Variants in CRIP2 observed in about 807,000 individuals in gnomAD.
CRIP2 encodes the protein cysteine-rich protein 2.
CRIP2 carries 31 observed loss-of-function variants against 31.3 expected under a neutral mutation model. The observed-to-expected ratio is 0.99, with a 90% confidence interval of 0.74 to 1.34. CRIP2 has a LOEUF of 1.34. Among genes scored for constraint, CRIP2 ranks in the 40% most tolerant of loss-of-function variants. The pLI is 0.00. For missense variants in CRIP2, 389 were observed against 301.6 expected (o/e 1.29, Z -2.15); for synonymous variants, 177 against 127.2 (o/e 1.39, Z -2.63).
In CRIP2 at chr14:105,478,639, GC is replaced by G; in HGVS notation, c.197-86del. ...TCCCTGCCACCCTGGAAAGCCTAGT[GC>G]CCCCCAGTCCCCAGCGGGCCGTTTT... is the stretch of plus-strand genomic sequence containing the variant. On this transcript the variant is annotated intron_variant, in intron 3 of 7. Transcript: ENST00000329146. This position sits in a 1 kb window ranked among gnomAD's most constrained non-coding sequence, Gnocchi z 4.9. 6.7e-7 allele frequency: 1 copy of G among 1,492,148 alleles called. No homozygotes were observed. The highest frequency in any genetic ancestry group is 8.9e-7 in the Non-Finnish European group (1 of 1,118,478). The allele number at this position is 1,492,148 out of a possible 1,614,324, so 92.4% of individuals were successfully genotyped here.
Position 105,479,343 on chromosome 14 carries a change from C to T in CRIP2, c.502-93C>T. ...CTGGGAGCTGCGCTGCCCTCTCCCC[C>T]ACGGCGAGCCGGCCTGCACGTTCTG... On this transcript the variant is annotated intron_variant, in intron 6 of 7. Coordinates refer to ENST00000329146, the MANE Select transcript of CRIP2 (RefSeq NM_001312.4). The T allele has an allele frequency of 1.0e-5, 16 of 1,570,800 alleles. No individual in the cohort carries two copies. The East Asian group carries it at 1.8e-4, about 18-fold the overall frequency.
intron 1 of CRIP2, chr14:105,476,690 T>G: frequency 1.0e-6 from 1 of 985,272 alleles, no homozygotes; most frequent in Non-Finnish European, 1.2e-6. Flanking sequence ...GAGACTTCCT[T>G]GCTGCTGCTG....
intron 1 of CRIP2, 115 bp downstream of exon 1, chr14:105,475,020 G>A: frequency 3.4e-6 from 4 of 1,177,302 alleles, no homozygotes; most frequent in Non-Finnish European, 4.3e-6. Context: ...GCCCCGGACC[G>A]AGGATGCGCG....
At position 105,477,535 on chromosome 14, in the gene CRIP2, G is replaced by A. The variant is rs1007689592; in HGVS notation, c.44-731G>A. 5 of 984,510 alleles carry A rather than the reference G, an allele frequency of 5.1e-6. No individual in the cohort carries two copies. In the African/African-American group the frequency reaches 7.1e-5, roughly 14 times the overall value. The allele number at this position is 984,510 out of a possible 1,614,324, so 61.0% of individuals were successfully genotyped here. A position where few individuals can be genotyped will look rare whatever the true frequency, so the allele number is the denominator to read the frequency against. The stretch of plus-strand genomic sequence containing the variant: ...GGCCCAGTTGGTGGGGATCAGGGGC[G>A]TGTCAGTGCGAGGCAGGTGTGAGAG... On this transcript the variant is annotated intron_variant, in intron 1 of 7. Transcript: ENST00000329146.
chr14:105,474,634 G>A, upstream of CRIP2: 1 of 291,338 alleles, frequency 3.4e-6, no homozygotes, highest in Non-Finnish European at 5.0e-6. This position sits in a 1 kb window ranked among gnomAD's most constrained non-coding sequence, Gnocchi z 5.1. Context: ...GAGGGGCCCG[G>A]GGGCGCCAGG....
rs1177105103 is a variant in CRIP2 at position 105,479,158 on chromosome 14, A to AC, written c.442dup (p.Arg148ProfsTer52). 1 of 1,611,202 alleles carries AC rather than the reference A, an allele frequency of 6.2e-7. No homozygotes were observed. The highest frequency in any genetic ancestry group is 1.3e-5 in the African/African-American group (1 of 74,682). ...GTGACGTCTCTGGGCAAGGATTGGC[A>AC]CCGGCCCTGCCTGCGCTGCGAGCGC... On this transcript the variant is annotated frameshift_variant, in exon 6 of 8. Transcript: ENST00000329146. LOFTEE classifies it high-confidence loss of function.
rs944241911 is a variant in CRIP2 at position 105,478,115 on chromosome 14, G to A, written c.44-151G>A. 2.9e-5 allele frequency: 18 copies of A among 615,836 alleles called. No homozygotes were observed. Among genetic ancestry groups the A allele is most frequent in the African/African-American group, 9.9e-5 (5 of 50,376 alleles). The allele number at this position is 615,836 out of a possible 1,614,324, so 38.1% of individuals were successfully genotyped here. On this transcript the variant is annotated intron_variant, in intron 1 of 7. Transcript: ENST00000329146. The surrounding 1 kb of genome is among the most constrained non-coding windows in gnomAD (Gnocchi z 4.9). The stretch of plus-strand genomic sequence containing the variant: ...GGCTCCTCCGGGTCTCAGAAGGAGG[G>A]GCAGGGCCCGCCAGGTGGAAGGAAG...
At position 105,474,966 on chromosome 14, in the gene CRIP2, C is replaced by G; in HGVS notation, c.43+61C>G. On this transcript the variant is annotated intron_variant, in intron 1 of 7. Coordinates refer to ENST00000329146, the MANE Select transcript of CRIP2 (RefSeq NM_001312.4). This position sits in a 1 kb window ranked among gnomAD's most constrained non-coding sequence, Gnocchi z 5.1. ...TCCCGCCGCCCTTCGCGGCCAGTCC[C>G]GCGCCGCAGAGCCGCGGCGTAACTC... The G allele has an allele frequency of 7.0e-7, 1 of 1,429,130 alleles. No homozygotes were observed. The highest frequency in any genetic ancestry group is 1.4e-5 in the South Asian group (1 of 70,816). The allele number at this position is 1,429,130 out of a possible 1,614,324, so 88.5% of individuals were successfully genotyped here.
chr14:105,474,754 C>T (rs2083895148), upstream of CRIP2: 5 of 1,095,516 alleles, frequency 4.6e-6, no homozygotes, highest in South Asian at 2.2e-4. The surrounding 1 kb of genome is among the most constrained non-coding windows in gnomAD (Gnocchi z 5.1). Flanking sequence ...CCCGCCCCGG[C>T]CGCGGAGCCA....
chr14:105,477,851 G>T, intron 1 of CRIP2, among the ~76,000 whole-genome samples: 1 of 100,668 alleles, frequency 9.9e-6, no homozygotes, highest in African/African-American at 3.4e-5. Flanking sequence ...GCGGGTGTCC[G>T]GGAGGCAGGT....
intron 1 of CRIP2, chr14:105,476,040 T>C (rs1299361115): frequency 2.0e-6 from 2 of 985,328 alleles, no homozygotes; most frequent in African/African-American, 1.7e-5. Flanking sequence ...TGGCCTGGAG[T>C]GCTTCTGGCG....
In CRIP2 at chr14:105,478,889, TG is replaced by T; in HGVS notation, c.337+22del. On this transcript the variant is annotated intron_variant, in intron 4 of 7. Coordinates refer to ENST00000329146, the MANE Select transcript of CRIP2 (RefSeq NM_001312.4). The surrounding 1 kb of genome is among the most constrained non-coding windows in gnomAD (Gnocchi z 4.9). ...CAGCAGAGGTGGGCTGGGCGCGGGC[TG>T]GGGCTGGGGGTTGTGGGCACGCGCG... 6.9e-7 allele frequency: 1 copy of T among 1,451,000 alleles called. No individual in the cohort carries two copies. Among genetic ancestry groups the T allele is most frequent in the Non-Finnish European group, 9.0e-7 (1 of 1,111,754 alleles). The allele number at this position is 1,451,000 out of a possible 1,614,324, so 89.9% of individuals were successfully genotyped here.
At chr14:105,476,199 C>G (rs893614470) in intron 1 of CRIP2, 2 of 985,374 alleles carry the variant, frequency 2.0e-6, no homozygotes, top group African/African-American at 3.5e-5. Context: ...GACTTTACCC[C>G]AGGCCGGGCC....
chr14:105,475,179 G>A (rs1423800080), intron 1 of CRIP2: 5 of 350,150 alleles, frequency 1.4e-5, no homozygotes, highest in Non-Finnish European at 2.0e-5. Context: ...GCCCCGGGAT[G>A]AGGCCAGTGT....
chr14:105,475,754 C>A, intron 1 of CRIP2: 1 of 929,796 alleles, frequency 1.1e-6, no homozygotes, highest in Non-Finnish European at 1.3e-6. Flanking sequence ...TGGGTGCGCC[C>A]TTCCTACCCC....
At chr14:105,479,305 G>A (rs2084034461) in intron 6 of CRIP2, 86 bp downstream of exon 6, 10 of 1,514,976 alleles carry the variant, frequency 6.6e-6, no homozygotes, top group Non-Finnish European at 8.1e-6. Flanking sequence ...AGAGGGGATG[G>A]GGGGTGGTGC....
chr14:105,476,860 C>T, intron 1 of CRIP2: 1 of 771,716 alleles, frequency 1.3e-6, no homozygotes. Flanking sequence ...AGGGTTGTAC[C>T]AGGGCCACGG....
In CRIP2 at chr14:105,474,841, G is replaced by T. The variant is rs868910677; in HGVS notation, c.-22G>T. On this transcript the variant is annotated 5_prime_UTR_variant, in exon 1 of 8. Coordinates refer to ENST00000329146, the MANE Select transcript of CRIP2 (RefSeq NM_001312.4). The surrounding 1 kb of genome is among the most constrained non-coding windows in gnomAD (Gnocchi z 5.1). ...CCGGAGGAGAACGGGCGGAGGGCGC[G>T]GGCCGACCGGGCGCACCGACCATGG... 8 of 1,468,666 alleles carry T rather than the reference G, an allele frequency of 5.4e-6. No individual in the cohort carries two copies. Among genetic ancestry groups the T allele is most frequent in the Middle Eastern group, 1.8e-4 (1 of 5,628 alleles). 91.0% of individuals were successfully genotyped at this position (1,468,666 alleles called of 1,614,324 possible).
chr14:105,478,150 A>T lies in CRIP2; in HGVS notation c.44-116A>T, dbSNP rs1319998116. The T allele has an allele frequency of 1.3e-6, 1 of 762,566 alleles. No individual in the cohort carries two copies. The highest frequency in any genetic ancestry group is 1.9e-5 in the African/African-American group (1 of 52,954). 47.2% of individuals were successfully genotyped at this position (762,566 alleles called of 1,614,324 possible). On this transcript the variant is annotated intron_variant, in intron 1 of 7. Transcript: ENST00000329146. This position sits in a 1 kb window ranked among gnomAD's most constrained non-coding sequence, Gnocchi z 4.9. ...GCCAGGTGGAAGGAAGGCGCCTGGGAGACCTCCTGAAAGTGGGGACCCCCG... is the reference window on the plus strand; with the variant it reads ...GCCAGGTGGAAGGAAGGCGCCTGGGTGACCTCCTGAAAGTGGGGACCCCCG...
Sources: allele counts gnomAD v4.1 joint callset (sites outside exome capture counted in the v4.1 genomes callset), GRCh38; gene constraint gnomAD v4.1.1; non-coding constraint Gnocchi (gnomAD v3.1); transcripts MANE v1.5; gene names NCBI Gene and HGNC (gene_info 2026-07-23, HGNC 2026-07-21).